CTNNA3: variants seen among roughly 807,000 people sequenced by gnomAD.
CTNNA3 encodes catenin alpha 3, also known as catenin alpha-3.
In CTNNA3, 76 loss-of-function variants were observed where a neutral mutation model predicts 95.7. The ratio of observed to expected loss-of-function variants is 0.79; its 90% CI spans 0.66 to 0.96. CTNNA3 has a LOEUF of 0.96. Ranked by LOEUF, CTNNA3 falls within the 40% of genes least tolerant of loss-of-function variation. The pLI, the probability that CTNNA3 is intolerant of heterozygous loss-of-function variation, is 0.00. For missense variants in CTNNA3, 1,191 were observed against 1,089.8 expected (o/e 1.09, Z -1.31); for synonymous variants, 431 against 374.4 (o/e 1.15, Z -1.74).
In CTNNA3 at chr10:66,845,703, C is replaced by CAAAAAAAAAAAA. The variant is rs61085873; in HGVS notation, c.1048-70191_1048-70180dup. On this transcript the variant is annotated intron_variant, in intron 7 of 17. Transcript: ENST00000433211. The stretch of plus-strand genomic sequence containing the variant: ...GGGTAACAACAGCAAAACTCTGTCT[C>CAAAAAAAAAAAA]AAAAAAAAAAAAAAAAAAAAAAAAA... Among the ~76,000 whole-genome samples the CAAAAAAAAAAAA allele has an allele frequency of 3.7e-3, 88 of 23,526 alleles. 4 individuals are homozygous for CAAAAAAAAAAAA. Among genetic ancestry groups the CAAAAAAAAAAAA allele is most frequent in the African/African-American group, 7.6e-3 (74 of 9,776 alleles). The allele number at this position is 23,526 out of a possible 152,430, so 15.4% of individuals were successfully genotyped here.
At chr10:66,839,085 T>C (rs938018894) in intron 7 of CTNNA3, among the ~76,000 whole-genome samples, 30 of 152,140 alleles carry the variant, frequency 2.0e-4, no homozygotes, top group African/African-American at 7.0e-4. Context: ...AGAAGTTTGA[T>C]ATTTAAAATA....
At chr10:66,921,865 T>C (rs1464460268) in intron 7 of CTNNA3, among the ~76,000 whole-genome samples, 1 of 152,224 alleles carries the variant, frequency 6.6e-6, no homozygotes, top group African/African-American at 2.4e-5. Flanking sequence ...CACAGATGTA[T>C]TCCCAGTGTC....
chr10:66,430,308 C>G (rs12266439), intron 11 of CTNNA3, among the ~76,000 whole-genome samples: 17,739 of 151,956 alleles, frequency 0.12, 1,502 homozygotes, highest in African/African-American at 0.24. Context: ...GAATCAATAT[C>G]GTGAAAATGG....
At chr10:66,938,273 T>A (rs1847822510) in intron 7 of CTNNA3, among the ~76,000 whole-genome samples, 2 of 151,978 alleles carry the variant, frequency 1.3e-5, no homozygotes, top group Non-Finnish European at 2.9e-5. Context: ...AATGTGAGGG[T>A]CAAGAGAACA....
At chr10:66,966,869 A>G (rs1052137761) in intron 7 of CTNNA3, among the ~76,000 whole-genome samples, 1 of 152,066 alleles carries the variant, frequency 6.6e-6, no homozygotes, top group Non-Finnish European at 1.5e-5. Flanking sequence ...TATTTAAGAC[A>G]TGTTTAGTAG....
intron 1 of CTNNA3, among the ~76,000 whole-genome samples, chr10:67,717,450 A>C (rs1436911642): frequency 6.6e-6 from 1 of 151,754 alleles, no homozygotes; most frequent in East Asian, 1.9e-4. Flanking sequence ...TATGGTTTTC[A>C]GTTTTATATT....
chr10:66,821,262 T>A (rs1442792500), intron 7 of CTNNA3, among the ~76,000 whole-genome samples: 1 of 152,158 alleles, frequency 6.6e-6, no homozygotes, highest in African/African-American at 2.4e-5. Context: ...TTTAACCAAT[T>A]TGAAAACCCA....
Position 67,180,417 on chromosome 10 carries a change from T to G in CTNNA3, c.947A>C (p.Asp316Ala). Residue 316 changes from aspartate to alanine, a missense_variant, in exon 7 of 18, where the codon GAT becomes GCT. Transcript: ENST00000433211. ...AIISGAALLA[D>A]SSCTRDLHRE... is the part of the protein sequence containing the mutation. ...GTGTAAGTCCCTCGTACATGAAGAA[T>G]CCGCCAGCAGAGCAGCCCCACTGAT... 2 of 1,613,832 alleles carry G rather than the reference T, an allele frequency of 1.2e-6. No homozygotes were observed. Among genetic ancestry groups the G allele is most frequent in the South Asian group, 2.2e-5 (2 of 91,078 alleles).
intron 5 of CTNNA3, among the ~76,000 whole-genome samples, chr10:67,262,275 C>T (rs1038224435): frequency 1.1e-4 from 16 of 152,108 alleles, no homozygotes; most frequent in African/African-American, 3.6e-4. Context: ...CTATTATCTG[C>T]TATATCATAA....
At chr10:66,392,183 C>A (rs553899005) in intron 11 of CTNNA3, among the ~76,000 whole-genome samples, 11 of 152,210 alleles carry the variant, frequency 7.2e-5, no homozygotes, top group Admixed American at 5.2e-4. Flanking sequence ...GTAATCCCAG[C>A]ACTTTGGGAG....
intron 5 of CTNNA3, among the ~76,000 whole-genome samples, chr10:67,399,482 A>G (rs1844839475): frequency 6.6e-6 from 1 of 152,212 alleles, no homozygotes; most frequent in African/African-American, 2.4e-5. Context: ...ACAACACTCC[A>G]TGCTCTGTCC....
At chr10:66,513,908 T>C (rs12260595) in intron 11 of CTNNA3, among the ~76,000 whole-genome samples, 4,814 of 152,190 alleles carry the variant, frequency 0.032, 247 homozygotes, top group African/African-American at 0.11. Flanking sequence ...TGTGGCACCA[T>C]TAGGTTCAGC....
intron 1 of CTNNA3, among the ~76,000 whole-genome samples, chr10:67,737,364 G>C (rs1344653510): frequency 6.6e-6 from 1 of 151,974 alleles, no homozygotes; most frequent in Non-Finnish European, 1.5e-5. Context: ...TAAGGGAGAA[G>C]TTTATAGCCA....
At chr10:66,697,106 A>G (rs1847793958) in intron 9 of CTNNA3, among the ~76,000 whole-genome samples, 1 of 151,942 alleles carries the variant, frequency 6.6e-6, no homozygotes, top group South Asian at 2.1e-4. Context: ...AGAATCTCAG[A>G]TTTCATTCAC....
At chr10:66,740,286 G>C (rs763351108) in intron 9 of CTNNA3, among the ~76,000 whole-genome samples, 5 of 152,194 alleles carry the variant, frequency 3.3e-5, no homozygotes, top group Non-Finnish European at 7.4e-5. Flanking sequence ...GCTATTGTAA[G>C]AACAGTTTCT....
intron 5 of CTNNA3, among the ~76,000 whole-genome samples, chr10:67,357,780 G>A (rs1842865151): frequency 6.6e-6 from 1 of 151,936 alleles, no homozygotes; most frequent in African/African-American, 2.4e-5. Context: ...AAAGGGGTGA[G>A]GGTATGAGCA....
intron 10 of CTNNA3, among the ~76,000 whole-genome samples, chr10:66,533,379 A>C (rs1589386018): frequency 1.3e-5 from 2 of 152,116 alleles, no homozygotes; most frequent in East Asian, 3.9e-4. Context: ...CATTTATCAC[A>C]CTACCTCAAA....
intron 17 of CTNNA3, among the ~76,000 whole-genome samples, chr10:65,948,579 G>A (rs2077561033): frequency 6.6e-6 from 1 of 151,944 alleles, no homozygotes; most frequent in African/African-American, 2.4e-5. Flanking sequence ...TCATCAGAAA[G>A]TAACATTTCC....
At position 66,300,486 on chromosome 10, in the gene CTNNA3, A is replaced by G. The variant is rs545916228; in HGVS notation, c.1733-19865T>C. Among the ~76,000 whole-genome samples the G allele has an allele frequency of 1.8e-4, 27 of 152,114 alleles. No individual in the cohort carries two copies. In the South Asian group the frequency reaches 5.6e-3, roughly 32 times the overall value. On this transcript the variant is annotated intron_variant, in intron 12 of 17. Coordinates refer to ENST00000433211, the MANE Select transcript of CTNNA3 (RefSeq NM_013266.4). Reference sequence around the variant, plus strand: ...GGAGTAGTAGCTTTATACTGAAGAAACATGGCAAGTACTGTCTTAAACAAG... The same window carrying G: ...GGAGTAGTAGCTTTATACTGAAGAAGCATGGCAAGTACTGTCTTAAACAAG...
Sources: gnomAD v4.1 joint callset for allele counts (sites outside exome capture counted in the v4.1 genomes callset) on GRCh38, gnomAD v4.1.1 for gene constraint, MANE v1.5 for transcripts, NCBI Gene and HGNC (gene_info 2026-07-23, HGNC 2026-07-21) for gene names.